The following RGS21 variants were observed in gnomAD, a reference collection of about 807,000 sequenced individuals.
RGS21 encodes the protein regulator of G-protein signalling 21.
In RGS21, 19 loss-of-function variants were observed where a neutral mutation model predicts 18.7. The observed-to-expected ratio is 1.01, with a 90% confidence interval of 0.71 to 1.49. RGS21 has a LOEUF of 1.49. RGS21 is among the 40% of genes most tolerant of loss of function. The pLI, the probability that RGS21 is intolerant of heterozygous loss-of-function variation, is 0.00. For missense variants in RGS21, 194 were observed against 176.8 expected (o/e 1.10, Z -0.55); for synonymous variants, 56 against 57.8 (o/e 0.97, Z 0.14).
intron 1 of RGS21, among the ~76,000 whole-genome samples, chr1:192,325,723 G>C (rs1171481558): frequency 3.3e-5 from 5 of 151,996 alleles, no homozygotes; most frequent in African/African-American, 1.2e-4. Context: ...CTTTTTATAT[G>C]CTTGTTTGCT....
chr1:192,354,527 G>T (rs1338164125), intron 4 of RGS21, among the ~76,000 whole-genome samples: 2 of 151,714 alleles, frequency 1.3e-5, no homozygotes, highest in African/African-American at 4.8e-5. Flanking sequence ...TGGAGATAAA[G>T]AAATGATGGA....
rs541759629 is a variant in RGS21 at position 192,349,703 on chromosome 1, C to T, written c.88+2314C>T. Among the ~76,000 whole-genome samples, 5 of 152,222 alleles carry T rather than the reference C, an allele frequency of 3.3e-5. No individual in the cohort carries two copies. The East Asian group carries it at 9.7e-4, about 29-fold the overall frequency. Reference sequence around the variant, plus strand: ...GTAGCCCCAGGTTTAGTTTTTTAAGCTGTTTATTTTGTTCCATTGGGTTCT... The same window carrying T: ...GTAGCCCCAGGTTTAGTTTTTTAAGTTGTTTATTTTGTTCCATTGGGTTCT... On this transcript the variant is annotated intron_variant, in intron 3 of 4. Coordinates refer to ENST00000417209, the MANE Select transcript of RGS21 (RefSeq NM_001039152.3).
At chr1:192,354,581 G>C (rs1659086978) in intron 4 of RGS21, among the ~76,000 whole-genome samples, 1 of 151,652 alleles carries the variant, frequency 6.6e-6, no homozygotes, top group Non-Finnish European at 1.5e-5. Flanking sequence ...ACAAGACTCG[G>C]TGACATATTT....
chr1:192,333,628 C>CAAA (rs376989840), intron 1 of RGS21, among the ~76,000 whole-genome samples: 20 of 102,400 alleles, frequency 2.0e-4, no homozygotes, highest in African/African-American at 4.1e-4. Context: ...CTCAAAATGA[C>CAAA]AAAAAAAAAA....
At chr1:192,320,993 A>G (rs1263214354) in intron 1 of RGS21, among the ~76,000 whole-genome samples, 1 of 152,006 alleles carries the variant, frequency 6.6e-6, no homozygotes, top group Non-Finnish European at 1.5e-5. Context: ...ATAACAGGTA[A>G]TATTACCATG....
At chr1:192,342,589 G>A (rs1487724405) in intron 1 of RGS21, among the ~76,000 whole-genome samples, 1 of 151,544 alleles carries the variant, frequency 6.6e-6, no homozygotes, top group Admixed American at 6.6e-5. Context: ...GAAAATCAAA[G>A]AACAAAGGAA....
intron 1 of RGS21, among the ~76,000 whole-genome samples, chr1:192,338,573 C>T (rs935658536): frequency 2.0e-5 from 3 of 152,016 alleles, no homozygotes; most frequent in Non-Finnish European, 4.4e-5. Flanking sequence ...TAACAAATTT[C>T]ACAGTATTTT....
intron 4 of RGS21, among the ~76,000 whole-genome samples, chr1:192,357,461 A>G (rs1328098799): frequency 6.6e-6 from 1 of 151,956 alleles, no homozygotes; most frequent in East Asian, 1.9e-4. Flanking sequence ...GGAGAGCTAA[A>G]GAAACTATAA....
chr1:192,361,388 G>C (rs1341663788), intron 4 of RGS21, among the ~76,000 whole-genome samples: 1 of 151,972 alleles, frequency 6.6e-6, no homozygotes, highest in Non-Finnish European at 1.5e-5. Flanking sequence ...ATTAGTAAAA[G>C]AAATAGAGAG....
At chr1:192,344,744 T>C (rs1174509456) in intron 2 of RGS21, among the ~76,000 whole-genome samples, 1 of 152,036 alleles carries the variant, frequency 6.6e-6, no homozygotes, top group Admixed American at 6.6e-5. Flanking sequence ...ACATCTCAGA[T>C]AGTCAAAATT....
intron 3 of RGS21, 103 bp from the exon 4 acceptor site, chr1:192,351,944 C>T: frequency 6.6e-6 from 4 of 606,920 alleles, no homozygotes; most frequent in South Asian, 2.7e-5. Context: ...CAATATTTGC[C>T]ACTGAATATC....
chr1:192,355,954 G>A (rs1164458770), intron 4 of RGS21, among the ~76,000 whole-genome samples: 1 of 151,302 alleles, frequency 6.6e-6, no homozygotes, highest in Non-Finnish European at 1.5e-5. Flanking sequence ...TCATATCATG[G>A]TGTAACATTT....
intron 1 of RGS21, among the ~76,000 whole-genome samples, chr1:192,324,529 T>C (rs1239635918): frequency 6.6e-6 from 1 of 151,978 alleles, no homozygotes; most frequent in Non-Finnish European, 1.5e-5. Flanking sequence ...TGGAAAAAAC[T>C]GAAATAATGA....
At chr1:192,342,634 A>G (rs1439966231) in intron 1 of RGS21, among the ~76,000 whole-genome samples, 2 of 151,604 alleles carry the variant, frequency 1.3e-5, no homozygotes, top group Non-Finnish European at 2.9e-5. Context: ...TAAAGACTTA[A>G]AGGTGAATAT....
Position 192,329,164 on chromosome 1 carries a change from T to C in RGS21, c.-61+12059T>C, listed in dbSNP as rs142371068. 1.6e-3 allele frequency among the ~76,000 whole-genome samples: 250 copies of C among 152,230 alleles called. 2 individuals carry two copies. Among genetic ancestry groups the C allele is most frequent in the Admixed American group, 0.012 (187 of 15,284 alleles). On this transcript the variant is annotated intron_variant, in intron 1 of 4. Coordinates refer to ENST00000417209, the MANE Select transcript of RGS21 (RefSeq NM_001039152.3). ...TTACGTAGATTTTAGTGGCCAATAT[T>C]GTCAGGTTTAACTGGAAATAAATTG... is the stretch of plus-strand genomic sequence containing the variant.
intron 3 of RGS21, among the ~76,000 whole-genome samples, chr1:192,347,846 G>C (rs1658977240): frequency 6.6e-6 from 1 of 151,714 alleles, no homozygotes; most frequent in South Asian, 2.1e-4. Context: ...TTTTAGTAGA[G>C]ACAGGGTTTC....
At chr1:192,326,043 T>G (rs113661215) in intron 1 of RGS21, among the ~76,000 whole-genome samples, 1 of 152,094 alleles carries the variant, frequency 6.6e-6, no homozygotes, top group Admixed American at 6.6e-5. Context: ...ATGGCTCTTC[T>G]GCGACTCATA....
Position 192,366,136 on chromosome 1 carries a change from G to GTTAA in RGS21, c.*13_*16dup. 1.5e-6 allele frequency: 2 copies of GTTAA among 1,347,098 alleles called. No individual in the cohort carries two copies. The highest frequency in any genetic ancestry group is 2.1e-6 in the Non-Finnish European group (2 of 965,612). 83.4% of individuals were successfully genotyped at this position (1,347,098 alleles called of 1,614,324 possible). A position where few individuals can be genotyped will look rare whatever the true frequency, so the allele number is the denominator to read the frequency against. On this transcript the variant is annotated 3_prime_UTR_variant, in exon 5 of 5. Coordinates refer to ENST00000417209, the MANE Select transcript of RGS21 (RefSeq NM_001039152.3). ...TCCCTTTTTTGTGAGGAAGGTAAAA[G>GTTAA]TTAACTAATCACTATACTTCAGGGC... is the stretch of plus-strand genomic sequence containing the variant.
Position 192,366,364 on chromosome 1 carries a change from A to G in RGS21, c.*240A>G. 1 of 381,876 alleles carries G rather than the reference A, an allele frequency of 2.6e-6. No homozygotes were observed. The highest frequency in any genetic ancestry group is 3.1e-5 in the South Asian group (1 of 32,374). The allele number at this position is 381,876 out of a possible 1,614,324, so 23.7% of individuals were successfully genotyped here. ...CAAAGAAAGTTTATAGAGATACAAT[A>G]TAGTCTTAAACCAAAACTGAATATT... On this transcript the variant is annotated 3_prime_UTR_variant, in exon 5 of 5. Transcript: ENST00000417209.
Sources: gnomAD v4.1 joint callset for allele counts (sites outside exome capture counted in the v4.1 genomes callset) on GRCh38, gnomAD v4.1.1 for gene constraint, MANE v1.5 for transcripts, NCBI Gene and HGNC (gene_info 2026-07-23, HGNC 2026-07-21) for gene names.